TENM3: variants seen among roughly 807,000 people sequenced by gnomAD.
TENM3 encodes teneurin transmembrane protein 3.
A neutral mutation model predicts 255.1 loss-of-function variants in TENM3; 63 were observed. That is an observed-to-expected ratio of 0.25 (90% CI 0.20 to 0.30). The LOEUF (loss-of-function observed/expected upper bound fraction) is 0.30. TENM3 is among the 10% of genes least tolerant of loss of function. The pLI, the probability that TENM3 is intolerant of heterozygous loss-of-function variation, is 1.00. For missense variants in TENM3, 2,929 were observed against 3,461.1 expected, an observed-to-expected ratio of 0.85 and a Z score of 3.86; for synonymous variants, 1,306 against 1,322.3, an observed-to-expected ratio of 0.99 and a Z score of 0.27.
At chr4:182,677,974 ATT>A (rs1755796525) in intron 7 of TENM3, among the ~76,000 whole-genome samples, 1 of 152,190 alleles carries the variant, frequency 6.6e-6, no homozygotes, top group Non-Finnish European at 1.5e-5. Flanking sequence ...CTCTGATGAA[ATT>A]CCATTTAAGA....
intron 4 of TENM3, among the ~76,000 whole-genome samples, chr4:182,618,947 G>A (rs1027225945): frequency 7.4e-5 from 8 of 107,780 alleles, no homozygotes; most frequent in Admixed American, 2.9e-4. Flanking sequence ...ACTCGGGGGT[G>A]GGGGTTGGGA....
the TENM3 span, among the ~76,000 whole-genome samples, chr4:181,579,914 C>T: frequency 1.2e-4 from 18 of 151,758 alleles, no homozygotes; most frequent in African/African-American, 4.4e-4. Context: ...CACTATGGTT[C>T]TCTAGGAGAA....
the TENM3 span, among the ~76,000 whole-genome samples, chr4:181,687,327 G>A: frequency 7.2e-5 from 11 of 152,236 alleles, no homozygotes; most frequent in South Asian, 1.2e-3. Flanking sequence ...TGACTAATCC[G>A]TTAGGTATAT....
chr4:182,583,290 G>A (rs1007033820), intron 3 of TENM3, among the ~76,000 whole-genome samples: 2 of 151,620 alleles, frequency 1.3e-5, no homozygotes, highest in African/African-American at 4.8e-5. Flanking sequence ...GATAAAGCAT[G>A]ACAGCATTCA....
chr4:181,486,854 AT>A, the TENM3 span, among the ~76,000 whole-genome samples: 1 of 152,216 alleles, frequency 6.6e-6, no homozygotes, highest in East Asian at 1.9e-4. Flanking sequence ...GTACAATTAC[AT>A]TGGCATCTGG....
intron 24 of TENM3, among the ~76,000 whole-genome samples, chr4:182,787,735 CAAAAAAAAAAA>C (rs33998093): frequency 9.6e-5 from 4 of 41,576 alleles, no homozygotes; most frequent in East Asian, 1.1e-3. Context: ...AACTCCACCT[CAAAAAAAAAAA>C]AAAAAAAAAA....
At chr4:181,769,976 G>A in the TENM3 span, among the ~76,000 whole-genome samples, 1 of 152,018 alleles carries the variant, frequency 6.6e-6, no homozygotes, top group Non-Finnish European at 1.5e-5. Context: ...ACAATTTTTG[G>A]AAAATAAAAT....
chr4:182,195,652 A>G (rs1753795335), intron 1 of TENM3, among the ~76,000 whole-genome samples: 2 of 152,128 alleles, frequency 1.3e-5, no homozygotes, highest in African/African-American at 4.8e-5. Context: ...AAAAAATATA[A>G]AAAAACCTTG....
chr4:181,607,413 ATTT>A, the TENM3 span, among the ~76,000 whole-genome samples: 1 of 147,548 alleles, frequency 6.8e-6, no homozygotes, highest in Non-Finnish European at 1.5e-5. Flanking sequence ...TTGGCATTTA[ATTT>A]TTTTTTTTTT....
At chr4:182,500,182 A>G (rs1736177570) in intron 3 of TENM3, among the ~76,000 whole-genome samples, 1 of 152,234 alleles carries the variant, frequency 6.6e-6, no homozygotes, top group African/African-American at 2.4e-5. Flanking sequence ...TGATCAATGA[A>G]TTAATTGAGA....
At chr4:182,785,966 A>G (rs1765619426) in intron 24 of TENM3, among the ~76,000 whole-genome samples, 1 of 152,174 alleles carries the variant, frequency 6.6e-6, no homozygotes, top group Non-Finnish European at 1.5e-5. Flanking sequence ...TCCGTACTGA[A>G]TAACAGAGAG....
chr4:182,174,092 A>G (rs1462468819), intron 1 of TENM3, among the ~76,000 whole-genome samples: 1 of 152,104 alleles, frequency 6.6e-6, no homozygotes, highest in Non-Finnish European at 1.5e-5. Context: ...AATTAAGATT[A>G]ATTTACTTAA....
At chr4:182,182,752 C>A (rs1752921543) in intron 1 of TENM3, among the ~76,000 whole-genome samples, 1 of 152,080 alleles carries the variant, frequency 6.6e-6, no homozygotes, top group Non-Finnish European at 1.5e-5. Context: ...AAAATGCCTG[C>A]CTTATCAGGT....
chr4:182,048,107 G>A, the TENM3 span, among the ~76,000 whole-genome samples: 22 of 152,124 alleles, frequency 1.4e-4, no homozygotes, highest in Non-Finnish European at 2.8e-4. Context: ...TTTAATCAAT[G>A]TGAAATAAGC....
intron 1 of TENM3, among the ~76,000 whole-genome samples, chr4:182,202,627 G>A (rs1754264596): frequency 6.6e-6 from 1 of 151,990 alleles, no homozygotes; most frequent in Non-Finnish European, 1.5e-5. Context: ...TTTAATCCCA[G>A]GTCCAATTCC....
At chr4:181,533,987 T>C in the TENM3 span, among the ~76,000 whole-genome samples, 215 of 152,304 alleles carry the variant, frequency 1.4e-3, no homozygotes, top group African/African-American at 4.9e-3. Flanking sequence ...TCTCAGTGAA[T>C]CTAGTGAATA....
chr4:182,027,686 A>G, the TENM3 span, among the ~76,000 whole-genome samples: 776 of 152,144 alleles, frequency 5.1e-3, 10 homozygotes, highest in African/African-American at 0.018. Context: ...AGGGATGTCA[A>G]ATTTCATCAA....
chr4:182,689,460 T>G (rs1756849059), intron 12 of TENM3, among the ~76,000 whole-genome samples: 1 of 152,246 alleles, frequency 6.6e-6, no homozygotes, highest in South Asian at 2.1e-4. Context: ...TTTCTAATCT[T>G]ACTGACATCC....
At chr4:182,019,005 G>A in the TENM3 span, among the ~76,000 whole-genome samples, 6 of 152,164 alleles carry the variant, frequency 3.9e-5, no homozygotes, top group Non-Finnish European at 7.3e-5. Context: ...AAGACAAGTC[G>A]AAGTTGTATC....
Sources: gnomAD v4.1 joint callset for allele counts (sites outside exome capture counted in the v4.1 genomes callset) on GRCh38, gnomAD v4.1.1 for gene constraint, MANE v1.5 for transcripts, NCBI Gene and HGNC (gene_info 2026-07-23, HGNC 2026-07-21) for gene names.